ROR1: variants seen among roughly 807,000 people sequenced by gnomAD.
ROR1 encodes the protein ROR family WNT receptor 1.
A neutral mutation model predicts 78.8 loss-of-function variants in ROR1; 19 were observed. The ratio of observed to expected loss-of-function variants is 0.24; its 90% confidence interval spans 0.17 to 0.35. ROR1 has a LOEUF of 0.35. Among genes scored for constraint, ROR1 ranks in the 10% least tolerant of loss-of-function variants. ROR1 has a pLI of 1.00. For synonymous variants in ROR1, 386 were observed against 433.6 expected (o/e 0.89, Z 1.36); for missense variants, 917 against 1,177.8 (o/e 0.78, Z 3.24).
intron 1 of ROR1, among the ~76,000 whole-genome samples, chr1:63,968,885 G>C (rs1299631696): frequency 1.3e-5 from 2 of 152,138 alleles, no homozygotes; most frequent in Admixed American, 6.5e-5. Flanking sequence ...TTTATAGAAG[G>C]GAGTGCAGAC....
At position 63,985,807 on chromosome 1, in the gene ROR1, T is replaced by C. The variant is rs138231095; in HGVS notation, c.92-23498T>C. Among the ~76,000 whole-genome samples, 703 of 152,044 alleles carry C rather than the reference T, an allele frequency of 4.6e-3. 5 individuals are homozygous for C. The highest frequency in any genetic ancestry group is 0.016 in the African/African-American group (658 of 41,498). On this transcript the variant is annotated intron_variant, in intron 1 of 8. Coordinates refer to ENST00000371079, the MANE Select transcript of ROR1 (RefSeq NM_005012.4). ...TAATGTGTGTATAAAAAATAAATTTTGTGTTTAGATTTAGGTCCCATCCCT... is the reference window on the plus strand; with the variant it reads ...TAATGTGTGTATAAAAAATAAATTTCGTGTTTAGATTTAGGTCCCATCCCT...
chr1:64,172,711 AC>A (rs1054731918), intron 8 of ROR1, among the ~76,000 whole-genome samples: 2 of 152,192 alleles, frequency 1.3e-5, no homozygotes, highest in African/African-American at 4.8e-5. Context: ...CAAAAACTAA[AC>A]AGATTTATAA....
At chr1:64,113,885 G>A (rs1431142314) in intron 4 of ROR1, 2 of 152,032 alleles carry the variant, frequency 1.3e-5, no homozygotes, top group Non-Finnish European at 2.9e-5. Flanking sequence ...ATCTGGGTTG[G>A]AGGCCCAACT....
intron 8 of ROR1, among the ~76,000 whole-genome samples, chr1:64,165,484 T>G (rs569723682): frequency 2.0e-5 from 3 of 152,224 alleles, no homozygotes; most frequent in Non-Finnish European, 4.4e-5. Context: ...GGATGCATAG[T>G]TTGCAAAATT....
chr1:63,808,338 G>A (rs940226772), intron 1 of ROR1, among the ~76,000 whole-genome samples: 3 of 152,222 alleles, frequency 2.0e-5, no homozygotes, highest in Admixed American at 6.5e-5. Context: ...GCAACAAAGT[G>A]GAAGGAGCCT....
At chr1:63,963,484 G>T (rs941993162) in intron 1 of ROR1, among the ~76,000 whole-genome samples, 1 of 151,492 alleles carries the variant, frequency 6.6e-6, no homozygotes, top group African/African-American at 2.4e-5. Context: ...CAAGAGAATC[G>T]CTTGAACCTG....
chr1:63,927,391 G>A (rs1489597492), intron 1 of ROR1, among the ~76,000 whole-genome samples: 14 of 143,096 alleles, frequency 9.8e-5, no homozygotes, highest in Non-Finnish European at 2.1e-4. Context: ...GCTTTTTGAT[G>A]TGCTGCTGGA....
chr1:63,826,189 C>T (rs1000834619), intron 1 of ROR1, among the ~76,000 whole-genome samples: 1 of 152,090 alleles, frequency 6.6e-6, no homozygotes, highest in Admixed American at 6.6e-5. Context: ...TATTTCATCA[C>T]CTGGGTATTA....
intron 4 of ROR1, among the ~76,000 whole-genome samples, chr1:64,100,092 TA>T (rs1647464737): frequency 2.0e-5 from 3 of 152,126 alleles, no homozygotes; most frequent in Non-Finnish European, 4.4e-5. Context: ...CTGGCTATTT[TA>T]AAATTTTGGA....
At chr1:64,100,471 G>A (rs148876579) in intron 4 of ROR1, among the ~76,000 whole-genome samples, 98 of 152,288 alleles carry the variant, frequency 6.4e-4, no homozygotes, top group Admixed American at 1.5e-3. Context: ...CTAGGTGACA[G>A]AGAAAGACCT....
chr1:64,005,648 G>A (rs1374725228), intron 1 of ROR1, among the ~76,000 whole-genome samples: 1 of 152,112 alleles, frequency 6.6e-6, no homozygotes. Context: ...CAGCTGAGAT[G>A]TGCTTGATTT....
At chr1:64,143,927 C>T (rs1649408383) in intron 7 of ROR1, among the ~76,000 whole-genome samples, 1 of 152,248 alleles carries the variant, frequency 6.6e-6, no homozygotes, top group Admixed American at 6.5e-5. Flanking sequence ...TGAAGGCTCA[C>T]CTGGGCTGCT....
At chr1:63,964,705 A>G (rs1186636059) in intron 1 of ROR1, among the ~76,000 whole-genome samples, 1 of 152,188 alleles carries the variant, frequency 6.6e-6, no homozygotes, top group Non-Finnish European at 1.5e-5. Context: ...GAAAGCCCAT[A>G]CCCTCAGCAG....
chr1:63,968,690 G>C (rs1411825543), intron 1 of ROR1, among the ~76,000 whole-genome samples: 1 of 152,122 alleles, frequency 6.6e-6, no homozygotes, highest in Non-Finnish European at 1.5e-5. Flanking sequence ...CTTGGCATCA[G>C]GACCTTCTTT....
At chr1:63,849,063 A>G (rs1362741476) in intron 1 of ROR1, among the ~76,000 whole-genome samples, 1 of 152,182 alleles carries the variant, frequency 6.6e-6, no homozygotes, top group East Asian at 1.9e-4. Context: ...TGAGTGTGCT[A>G]TGCCTGGCTC....
intron 1 of ROR1, among the ~76,000 whole-genome samples, chr1:63,816,939 C>T (rs1324248787): frequency 1.4e-4 from 22 of 152,328 alleles, no homozygotes; most frequent in Admixed American, 1.4e-3. Flanking sequence ...TACTGTGTGC[C>T]AGGCACTGTG....
intron 1 of ROR1, among the ~76,000 whole-genome samples, chr1:63,894,280 A>T (rs1645422580): frequency 1.3e-5 from 2 of 152,118 alleles, no homozygotes; most frequent in African/African-American, 4.8e-5. Flanking sequence ...CTTACGAATT[A>T]TTTCTGCAAT....
At chr1:63,936,942 A>T (rs985151961) in intron 1 of ROR1, among the ~76,000 whole-genome samples, 9 of 152,166 alleles carry the variant, frequency 5.9e-5, no homozygotes, top group African/African-American at 2.2e-4. Context: ...CAATGAGGCA[A>T]TCAGCCAGTA....
chr1:64,003,793 G>T (rs185626395), intron 1 of ROR1, among the ~76,000 whole-genome samples: 19 of 152,276 alleles, frequency 1.2e-4, no homozygotes, highest in African/African-American at 4.3e-4. Flanking sequence ...ACCTGGCTAT[G>T]GGCGTCTCCA....
Sources: gnomAD v4.1 joint callset for allele counts (sites outside exome capture counted in the v4.1 genomes callset) on GRCh38, gnomAD v4.1.1 for gene constraint, MANE v1.5 for transcripts, NCBI Gene and HGNC (gene_info 2026-07-23, HGNC 2026-07-21) for gene names.